Variants in OPHN1 observed in about 807,000 individuals in gnomAD.
OPHN1 encodes the protein oligophrenin 1.
In OPHN1, 11 loss-of-function variants were observed where a neutral mutation model predicts 60.7. The ratio of observed to expected loss-of-function variants is 0.18; its 90% CI spans 0.11 to 0.30. OPHN1 has a LOEUF of 0.30. Ranked by LOEUF, OPHN1 falls within the 10% of genes least tolerant of loss-of-function variation. OPHN1 has a pLI of 1.00. For missense variants in OPHN1, 449 were observed against 611.0 expected, an observed-to-expected ratio of 0.73 and a Z score of 2.80; for synonymous variants, 226 against 222.6, an observed-to-expected ratio of 1.02 and a Z score of -0.14.
intron 2 of OPHN1, among the ~76,000 whole-genome samples, chrX:68,366,435 G>A (rs2078499420): frequency 9.0e-6 from 1 of 110,740 alleles, no homozygotes; most frequent in Non-Finnish European, 1.9e-5. Context: ...CTCAGGCAAT[G>A]TTCCCACCTC....
At chrX:68,296,647 TAAAAAAAAAAA>T (rs751623342) in intron 3 of OPHN1, among the ~76,000 whole-genome samples, 1 of 68,438 alleles carries the variant, frequency 1.5e-5, no homozygotes, top group Non-Finnish European at 2.8e-5. Flanking sequence ...GACTCCATCT[TAAAAAAAAAAA>T]AAAAAAAAAA....
At chrX:68,163,426 TTC>T (rs1397173315) in intron 15 of OPHN1, among the ~76,000 whole-genome samples, 4 of 52,579 alleles carry the variant, frequency 7.6e-5, no homozygotes, top group Non-Finnish European at 1.1e-4. Context: ...TGAAAATCCA[TTC>T]TGTGTGTGTG....
At chrX:68,136,286 CTTTTCTTTTTTT>C (rs1475009182) in intron 15 of OPHN1, among the ~76,000 whole-genome samples, 1 of 70,169 alleles carries the variant, frequency 1.4e-5, no homozygotes, top group Non-Finnish European at 2.5e-5. Context: ...ATCAAAATAT[CTTTTCTTTTTTT>C]TTTTTTTTTT....
intron 6 of OPHN1, among the ~76,000 whole-genome samples, chrX:68,214,604 A>C (rs1209256809): frequency 8.9e-6 from 1 of 112,135 alleles, no homozygotes; most frequent in African/African-American, 3.2e-5. Flanking sequence ...GCTAGCTTTC[A>C]ACAATGAACT....
In OPHN1 at chrX:68,142,938, T is replaced by C. The variant is rs1332892175; in HGVS notation, c.1277-23606A>G. ...TTTTGTTACATCTGATTGAAATTTCTCAGTTTCTACAAATTTGATTTCATT... is the reference window on the plus strand; with the variant it reads ...TTTTGTTACATCTGATTGAAATTTCCCAGTTTCTACAAATTTGATTTCATT... On this transcript the variant is annotated intron_variant, in intron 15 of 24. Coordinates refer to ENST00000355520, the MANE Select transcript of OPHN1 (RefSeq NM_002547.3). Among the ~76,000 whole-genome samples, 6 of 112,122 alleles carry C rather than the reference T, an allele frequency of 5.4e-5. No homozygotes were observed. The East Asian group carries it at 1.7e-3, about 31-fold the overall frequency.
intron 5 of OPHN1, among the ~76,000 whole-genome samples, chrX:68,269,931 T>C (rs1276028778): frequency 9.0e-6 from 1 of 111,697 alleles, no homozygotes; most frequent in African/African-American, 3.3e-5. Flanking sequence ...GGGCAAAGAA[T>C]ATGAACAGAT....
chrX:68,277,721 G>C (rs1023521911), intron 4 of OPHN1, among the ~76,000 whole-genome samples: 9 of 111,729 alleles, frequency 8.1e-5, no homozygotes, highest in African/African-American at 2.9e-4. Flanking sequence ...AACCCAGGAG[G>C]CGGAGGTTGC....
intron 11 of OPHN1, 150 bp downstream of exon 11, chrX:68,201,469 A>G: frequency 8.0e-6 from 4 of 498,234 alleles, no homozygotes; most frequent in Non-Finnish European, 1.4e-5. Context: ...AAGGGCAGCC[A>G]GAAGAGCTGG....
At chrX:68,433,576 G>A (rs1189160900), upstream of OPHN1, 1 of 291,909 alleles carries the variant, frequency 3.4e-6, no homozygotes, top group East Asian at 4.8e-5. Context: ...CCCCAGCGAA[G>A]CCCGAGGACC....
At chrX:68,331,821 G>T (rs773524929) in intron 2 of OPHN1, among the ~76,000 whole-genome samples, 4 of 109,425 alleles carry the variant, frequency 3.7e-5, no homozygotes, top group Admixed American at 3.0e-4. Context: ...GGATCACGAG[G>T]TCAAGAGATC....
At chrX:68,378,355 T>C (rs2078572963) in intron 2 of OPHN1, among the ~76,000 whole-genome samples, 1 of 111,806 alleles carries the variant, frequency 8.9e-6, no homozygotes, top group Admixed American at 9.6e-5. Flanking sequence ...AAGTAGGTTG[T>C]GAAAATTTTC....
chrX:68,329,074 C>T (rs2078282253), intron 2 of OPHN1, among the ~76,000 whole-genome samples: 1 of 111,379 alleles, frequency 9.0e-6, no homozygotes, highest in South Asian at 3.8e-4. Flanking sequence ...CCCACCACCA[C>T]GCCCCGCTAA....
intron 20 of OPHN1, among the ~76,000 whole-genome samples, chrX:68,070,073 T>A (rs930313914): frequency 9.0e-6 from 1 of 111,616 alleles, no homozygotes; most frequent in African/African-American, 3.3e-5. Context: ...GATTTCCATT[T>A]TTTTCATGGT....
intron 3 of OPHN1, among the ~76,000 whole-genome samples, chrX:68,287,141 G>GAAA (rs2078045447): frequency 1.2e-5 from 1 of 86,357 alleles, no homozygotes; most frequent in African/African-American, 4.3e-5. Context: ...AAGGAAGGAA[G>GAAA]GAAGGAAGAA....
chrX:68,318,479 T>G (rs1352235095), intron 2 of OPHN1, among the ~76,000 whole-genome samples: 1 of 112,157 alleles, frequency 8.9e-6, no homozygotes, highest in Non-Finnish European at 1.9e-5. Flanking sequence ...ATCAAAGTGC[T>G]GGGATTAAAG....
intron 4 of OPHN1, among the ~76,000 whole-genome samples, chrX:68,278,418 G>A (rs1393409698): frequency 1.8e-5 from 2 of 112,308 alleles, no homozygotes; most frequent in African/African-American, 3.2e-5. Context: ...GCTACCTCAG[G>A]TAGACTCTTC....
At chrX:68,090,916 T>C (rs1422923504) in intron 19 of OPHN1, among the ~76,000 whole-genome samples, 7 of 111,630 alleles carry the variant, frequency 6.3e-5, no homozygotes, top group African/African-American at 2.0e-4. Context: ...CAGAAAACTA[T>C]ACTTAACACA....
chrX:68,336,896 A>AGTTTGTCCC (rs2078326269), intron 2 of OPHN1, among the ~76,000 whole-genome samples: 1 of 110,229 alleles, frequency 9.1e-6, no homozygotes, highest in Admixed American at 9.9e-5. Flanking sequence ...TCTACCAAAA[A>AGTTTGTCCC]TACAAAAAGA....
chrX:68,170,639 T>C (rs921032595), intron 15 of OPHN1, among the ~76,000 whole-genome samples: 9 of 109,242 alleles, frequency 8.2e-5, no homozygotes, highest in Non-Finnish European at 1.5e-4. Flanking sequence ...TAGGGACATG[T>C]ATGAAATTGG....
Sources: gnomAD v4.1 joint callset for allele counts (sites outside exome capture counted in the v4.1 genomes callset) on GRCh38, gnomAD v4.1.1 for gene constraint, MANE v1.5 for transcripts, NCBI Gene and HGNC (gene_info 2026-07-23, HGNC 2026-07-21) for gene names.